The following EHD3 variants were observed in gnomAD, a reference collection of about 807,000 sequenced individuals.
The protein encoded by EHD3 is EH domain containing 3, also known as EH domain-containing protein 3.
In EHD3, 17 loss-of-function variants were observed where a neutral mutation model predicts 43.0. The ratio of observed to expected loss-of-function variants is 0.40; its 90% CI spans 0.27 to 0.59. The LOEUF is 0.59. Ranked by LOEUF, EHD3 falls within the 20% of genes least tolerant of loss-of-function variation. The pLI is 0.49. For synonymous variants in EHD3, 313 were observed against 289.5 expected, an observed-to-expected ratio of 1.08 and a Z score of -0.82; for missense variants, 594 against 705.6, an observed-to-expected ratio of 0.84 and a Z score of 1.79.
At chr2:31,261,754 C>G (rs758846030) in intron 5 of EHD3, 41 bp downstream of exon 5, 1 of 1,602,102 alleles carries the variant, frequency 6.2e-7, no homozygotes, top group African/African-American at 1.3e-5. Context: ...GACAGTGTCC[C>G]GAGAGCTGGC....
intron 1 of EHD3, among the ~76,000 whole-genome samples, chr2:31,242,414 C>T (rs1217545884): frequency 2.6e-5 from 4 of 152,182 alleles, no homozygotes; most frequent in Admixed American, 6.5e-5. Flanking sequence ...AGGTAAAACA[C>T]CAAACACATT....
At chr2:31,251,102 T>C (rs1403217626) in intron 3 of EHD3, among the ~76,000 whole-genome samples, 2 of 152,206 alleles carry the variant, frequency 1.3e-5, no homozygotes, top group Non-Finnish European at 2.9e-5. Flanking sequence ...CAGTTGTGTA[T>C]TGACGAGGCC....
In EHD3 at chr2:31,269,419, T is replaced by C. The variant is rs1684011846; in HGVS notation, c.*2715T>C. ...AAGTCCCACGGACAAGAGTAAAGTC[T>C]GATACCAATAAAGTGAATGTATTCC... On this transcript the variant is annotated 3_prime_UTR_variant, in exon 6 of 6. Transcript: ENST00000322054. 1 of 152,206 alleles carries C rather than the reference T, an allele frequency of 6.6e-6. No individual in the cohort carries two copies. Among genetic ancestry groups the C allele is most frequent in the Admixed American group, 6.5e-5 (1 of 15,276 alleles). The allele number at this position is 152,206 out of a possible 1,614,324, so 9.4% of individuals were successfully genotyped here.
Position 31,266,479 on chromosome 2 carries a change from G to A in EHD3, c.1383G>A (p.Lys461=). 1 of 1,614,186 alleles carries A rather than the reference G, an allele frequency of 6.2e-7. No individual in the cohort carries two copies. ...IFYTLSPVDG[K]ITGANAKKEM... The stretch of plus-strand genomic sequence containing the variant: ...ACACCCTGTCACCGGTGGATGGCAA[G>A]ATCACAGGCGCTAATGCCAAGAAGG... Residue 461 remains lysine (K), a synonymous_variant, in exon 6 of 6, where the codon AAG becomes AAA. Coordinates refer to ENST00000322054, the MANE Select transcript of EHD3 (RefSeq NM_014600.3). The surrounding 1 kb of genome is among the most constrained non-coding windows in gnomAD (Gnocchi z 5.1).
At position 31,266,923 on chromosome 2, in the gene EHD3, A is replaced by C; in HGVS notation, c.*219A>C. On this transcript the variant is annotated 3_prime_UTR_variant, in exon 6 of 6. Transcript: ENST00000322054. This position sits in a 1 kb window ranked among gnomAD's most constrained non-coding sequence, Gnocchi z 5.1. ...TTCTCGGGATTAGAAGGACAAGAGC[A>C]CTCCCAGGCCCCAGAGTCTAAGCCT... 1 of 577,364 alleles carries C rather than the reference A, an allele frequency of 1.7e-6. No individual in the cohort carries two copies. The highest frequency in any genetic ancestry group is 3.0e-6 in the Non-Finnish European group (1 of 336,396). The allele number at this position is 577,364 out of a possible 1,614,324, so 35.8% of individuals were successfully genotyped here.
chr2:31,257,333 G>A (rs1683769517), intron 3 of EHD3, among the ~76,000 whole-genome samples: 1 of 152,226 alleles, frequency 6.6e-6, no homozygotes, highest in Non-Finnish European at 1.5e-5. Context: ...AGGGAAGGAT[G>A]GACAGAGGGA....
rs1683828691 is a variant in EHD3, at chr2:31,260,387, G to A, written c.503-123G>A. 1 of 989,940 alleles carries A rather than the reference G, an allele frequency of 1.0e-6. No homozygotes were observed. Among genetic ancestry groups the A allele is most frequent in the East Asian group, 2.5e-5 (1 of 39,634 alleles). 61.3% of individuals were successfully genotyped at this position (989,940 alleles called of 1,614,324 possible). ...GTCCAAACAGTTAAAATGTGGAGGA[G>A]CCAGGATTTAAACTTAGATCTGACT... On this transcript the variant is annotated intron_variant, in intron 3 of 5. Coordinates refer to ENST00000322054, the MANE Select transcript of EHD3 (RefSeq NM_014600.3). The surrounding 1 kb of genome is among the most constrained non-coding windows in gnomAD (Gnocchi z 4.6).
At position 31,249,513 on chromosome 2, in the gene EHD3, C is replaced by G. The variant is rs1683593429; in HGVS notation, c.502+45C>G. On this transcript the variant is annotated intron_variant, in intron 3 of 5. Transcript: ENST00000322054. Reference sequence around the variant, plus strand: ...GGTGTTGGCTGTGGGCTCCATGGTTCTGGCACGTTCAGTCTCTTACATACC... The same window carrying G: ...GGTGTTGGCTGTGGGCTCCATGGTTGTGGCACGTTCAGTCTCTTACATACC... 1.9e-6 allele frequency: 3 copies of G among 1,573,458 alleles called. No homozygotes were observed. The African/African-American group carries it at 4.0e-5, about 21-fold the overall frequency.
At chr2:31,250,971 G>A (rs1683623174) in intron 3 of EHD3, among the ~76,000 whole-genome samples, 1 of 152,238 alleles carries the variant, frequency 6.6e-6, no homozygotes, top group Non-Finnish European at 1.5e-5. Flanking sequence ...TGCCACAATA[G>A]TGGGGCCCAG....
At chr2:31,252,250 G>A (rs555759643) in intron 3 of EHD3, among the ~76,000 whole-genome samples, 1 of 152,188 alleles carries the variant, frequency 6.6e-6, no homozygotes, top group Non-Finnish European at 1.5e-5. Context: ...CCATAGCCCT[G>A]GGTCTGGATC....
rs1309146980 is a variant in EHD3 at position 31,243,460 on chromosome 2, C to CTTTTTTTTTTTTTT, written c.228-801_228-800insTTTTTTTTTTTTTT. Among the ~76,000 whole-genome samples the CTTTTTTTTTTTTTT allele has an allele frequency of 3.9e-4, 38 of 98,472 alleles. 1 individual carries two copies. Among genetic ancestry groups the CTTTTTTTTTTTTTT allele is most frequent in the South Asian group, 1.1e-3 (3 of 2,728 alleles). 64.6% of individuals were successfully genotyped at this position (98,472 alleles called of 152,430 possible). A position where few individuals can be genotyped will look rare whatever the true frequency, so the allele number is the denominator to read the frequency against. On this transcript the variant is annotated intron_variant, in intron 1 of 5. Coordinates refer to ENST00000322054, the MANE Select transcript of EHD3 (RefSeq NM_014600.3). ...TCTTTCTTTCTTTCTTTCTTTCTTT[C>CTTTTTTTTTTTTTT]TTTTTTTTTTTTTGAGACAGAGTTT...
rs1683478339 is a variant in EHD3, at chr2:31,244,266, C to T, written c.228-8C>T. The stretch of plus-strand genomic sequence containing the variant: ...CGCCTGCATTAGGACTGTGCTTCTT[C>T]CTGCTAGGTACCTGCTGGAACAGGA... On this transcript the variant is annotated splice_region_variant and splice_polypyrimidine_tract_variant and intron_variant, in intron 1 of 5. Coordinates refer to ENST00000322054, the MANE Select transcript of EHD3 (RefSeq NM_014600.3). 6.2e-7 allele frequency: 1 copy of T among 1,611,604 alleles called. No homozygotes were observed. Among genetic ancestry groups the T allele is most frequent in the Non-Finnish European group, 8.5e-7 (1 of 1,178,210 alleles).
intron 5 of EHD3, 106 bp downstream of exon 5, chr2:31,261,819 GC>G: frequency 7.3e-7 from 1 of 1,370,722 alleles, no homozygotes; most frequent in Non-Finnish European, 9.9e-7. Flanking sequence ...GGAGAACCCC[GC>G]CCAGAATCTG....
chr2:31,255,586 A>C (rs1250300855), intron 3 of EHD3, among the ~76,000 whole-genome samples: 1 of 152,158 alleles, frequency 6.6e-6, no homozygotes, highest in Admixed American at 6.5e-5. Context: ...AGATACCGCC[A>C]TTCCTAGATC....
In EHD3 at chr2:31,249,466, G is replaced by A. The variant is rs1200243323; in HGVS notation, c.500G>A (p.Arg167Gln). Residue 167 changes from arginine to glutamine, a missense_variant and splice_region_variant, in exon 3 of 6, where the codon CGG (arginine) becomes CAG (glutamine). This residue lies in a region of EHD3 where 243 missense variants were observed against 296.7 expected (regional missense o/e 0.82). Transcript: ENST00000322054. ...ILSGEKQRISRGYDFAAVLEW... is the reference protein window; with the variant it reads ...ILSGEKQRISQGYDFAAVLEW... ...TCTGGGGAGAAGCAGAGGATCAGCC[G>A]GGGTAAGCAACCTGCCTGAGGGGTG... The A allele has an allele frequency of 3.1e-6, 5 of 1,614,022 alleles. No individual in the cohort carries two copies. In the South Asian group the frequency reaches 3.3e-5, roughly 11 times the overall value.
At chr2:31,252,518 A>G (rs190861226) in intron 3 of EHD3, among the ~76,000 whole-genome samples, 41 of 152,280 alleles carry the variant, frequency 2.7e-4, no homozygotes, top group African/African-American at 9.4e-4. Flanking sequence ...CTCTGTCACC[A>G]AGCTGGACTG....
chr2:31,243,460 C>CTTTCTTTTTTTTTTTTTTTTTTTTTT (rs1553402472), intron 1 of EHD3, among the ~76,000 whole-genome samples: 1 of 98,466 alleles, frequency 1.0e-5, no homozygotes, highest in African/African-American at 4.6e-5. Context: ...TTCTTTCTTT[C>CTTTCTTTTTTTTTTTTTTTTTTTTTT]TTTTTTTTTT....
intron 3 of EHD3, among the ~76,000 whole-genome samples, chr2:31,251,098 T>G: frequency 6.6e-6 from 1 of 152,138 alleles, no homozygotes; most frequent in East Asian, 1.9e-4. Context: ...CCTGCAGTTG[T>G]GTATTGACGA....
chr2:31,235,753 A>G (rs1045468961), intron 1 of EHD3, among the ~76,000 whole-genome samples: 3 of 152,340 alleles, frequency 2.0e-5, no homozygotes, highest in East Asian at 1.9e-4. Context: ...CAAGAAGTCA[A>G]TTTGTTCACC....
Sources: allele counts gnomAD v4.1 joint callset (sites outside exome capture counted in the v4.1 genomes callset), GRCh38; gene constraint gnomAD v4.1.1; regional missense constraint gnomAD v4.1.1; non-coding constraint Gnocchi (gnomAD v3.1); transcripts MANE v1.5; gene names NCBI Gene and HGNC (gene_info 2026-07-23, HGNC 2026-07-21).